Variants in ZSCAN25 observed in about 807,000 individuals in gnomAD.
ZSCAN25 encodes zinc finger and SCAN domain-containing protein 25.
ZSCAN25 carries 27 observed loss-of-function variants against 38.7 expected under a neutral mutation model. The observed-to-expected ratio is 0.70, with a 90% CI of 0.51 to 0.96. The LOEUF (loss-of-function observed/expected upper bound fraction) is 0.96, where lower values mean the gene tolerates loss of function less well. Ranked by LOEUF, ZSCAN25 falls within the 40% of genes least tolerant of loss-of-function variation. The probability of loss-of-function intolerance (pLI) is 0.00; values close to 1 mark genes in which losing one functional copy is unlikely to be tolerated. For missense variants in ZSCAN25, 637 were observed against 705.9 expected, an observed-to-expected ratio of 0.90 and a Z score of 1.11; for synonymous variants, 273 against 277.7, an observed-to-expected ratio of 0.98 and a Z score of 0.17.
chr7:99,658,442 G>A, the ZSCAN25 span, among the ~76,000 whole-genome samples: 16 of 152,062 alleles, frequency 1.1e-4, no homozygotes, highest in African/African-American at 1.9e-4. Flanking sequence ...AGTTTCTGCC[G>A]AGAGATCCAC....
In ZSCAN25 at chr7:99,624,177, C is replaced by G. The variant is rs769477363; in HGVS notation, c.802C>G (p.Pro268Ala). 1.2e-6 allele frequency: 2 copies of G among 1,613,506 alleles called. No individual in the cohort carries two copies. The highest frequency in any genetic ancestry group is 1.1e-5 in the South Asian group (1 of 91,044). The change falls in exon 7 of 8, where the codon CCA (proline) becomes GCA (alanine). Residue 268 changes from proline to alanine, a missense_variant. Physicochemically the swap from Pro to Ala is conservative, Grantham distance 27. Coordinates refer to ENST00000394152, the MANE Select transcript of ZSCAN25 (RefSeq NM_145115.3). ...YVEPQDCRVS[P>A]GGGSKEKEAK... The stretch of plus-strand genomic sequence containing the variant: ...GGAACCGCAGGACTGCAGGGTCTCT[C>G]CAGGTAAGACTGTCTCCACCCACAG...
downstream of ZSCAN25, among the ~76,000 whole-genome samples, chr7:99,633,883 T>C (rs1438674289): frequency 6.6e-6 from 1 of 152,244 alleles, no homozygotes; most frequent in African/African-American, 2.4e-5. Context: ...ACAGCTTCTT[T>C]GCTTTCTGGC....
chr7:99,665,999 A>G, the ZSCAN25 span, among the ~76,000 whole-genome samples: 1 of 152,260 alleles, frequency 6.6e-6, no homozygotes, highest in Non-Finnish European at 1.5e-5. Flanking sequence ...AAGTCTGAAC[A>G]GGACAGGCTC....
At chr7:99,632,789 CA>C (rs1808094130), downstream of ZSCAN25, among the ~76,000 whole-genome samples, 1 of 152,194 alleles carries the variant, frequency 6.6e-6, no homozygotes, top group Non-Finnish European at 1.5e-5. Context: ...GACCCTGTCT[CA>C]AAACAAAACA....
rs2151296933 is a variant in ZSCAN25 at position 99,629,458 on chromosome 7, G to A, written c.1073G>A (p.Ser358Asn). The A allele has an allele frequency of 1.9e-6, 3 of 1,614,224 alleles. No homozygotes were observed. Among genetic ancestry groups the A allele is most frequent in the East Asian group, 4.5e-5 (2 of 44,878 alleles). Residue 358 changes from serine to asparagine, a missense_variant, in exon 8 of 8, where the codon AGT (serine) becomes AAT (asparagine). Coordinates refer to ENST00000394152, the MANE Select transcript of ZSCAN25 (RefSeq NM_145115.3). This position sits in a 1 kb window ranked among gnomAD's most constrained non-coding sequence, Gnocchi z 5.6. ...FQCPECGKGF[S>N]RSSNLVRHQR... The stretch of plus-strand genomic sequence containing the variant: ...TGCCCTGAGTGTGGGAAAGGATTCA[G>A]TCGGAGCTCCAATCTCGTCAGGCAC...
At chr7:99,662,046 GATTA>G in the ZSCAN25 span, among the ~76,000 whole-genome samples, 22 of 152,338 alleles carry the variant, frequency 1.4e-4, 1 homozygote, top group Middle Eastern at 0.01. The surrounding 1 kb of genome is among the most constrained non-coding windows in gnomAD (Gnocchi z 4.3). Context: ...ATAGATAGAT[GATTA>G]ATTGATAAAT....
At chr7:99,679,310 T>C in the ZSCAN25 span, among the ~76,000 whole-genome samples, 1 of 152,062 alleles carries the variant, frequency 6.6e-6, no homozygotes, top group Non-Finnish European at 1.5e-5. Context: ...TGGTGCGTTA[T>C]GTAAATGATA....
the ZSCAN25 span, among the ~76,000 whole-genome samples, chr7:99,716,874 CTT>C: frequency 2.0e-5 from 3 of 152,202 alleles, no homozygotes; most frequent in Admixed American, 6.5e-5. Context: ...ATGCTTAAAA[CTT>C]TGATACAATC....
At chr7:99,675,377 G>A in the ZSCAN25 span, among the ~76,000 whole-genome samples, 2 of 152,126 alleles carry the variant, frequency 1.3e-5, no homozygotes, top group East Asian at 3.9e-4. Context: ...AGAAATTACT[G>A]CTTTTATCGA....
the ZSCAN25 span, among the ~76,000 whole-genome samples, chr7:99,647,308 ACT>A: frequency 2.0e-5 from 3 of 151,964 alleles, no homozygotes; most frequent in African/African-American, 7.3e-5. Flanking sequence ...AGCCACCATG[ACT>A]CTCTTGTCCA....
At chr7:99,648,380 C>T in the ZSCAN25 span, 20 of 1,610,608 alleles carry the variant, frequency 1.2e-5, no homozygotes, top group Middle Eastern at 3.3e-4. Flanking sequence ...GAAGTCCTTG[C>T]GTGTCTAATT....
At chr7:99,708,717 T>A in the ZSCAN25 span, among the ~76,000 whole-genome samples, 1 of 152,168 alleles carries the variant, frequency 6.6e-6, no homozygotes, top group Non-Finnish European at 1.5e-5. Flanking sequence ...GGAAAAAATA[T>A]TCATTTGTGG....
the ZSCAN25 span, among the ~76,000 whole-genome samples, chr7:99,640,330 G>T: frequency 6.6e-6 from 1 of 152,032 alleles, no homozygotes; most frequent in African/African-American, 2.4e-5. Context: ...CTAATTTTTG[G>T]TATTTTTAGT....
chr7:99,626,294 G>A (rs1807464880), intron 7 of ZSCAN25, among the ~76,000 whole-genome samples: 1 of 152,204 alleles, frequency 6.6e-6, no homozygotes, highest in Non-Finnish European at 1.5e-5. Context: ...GGAGGAGGCA[G>A]GAGTGAGTAG....
chr7:99,695,784 G>T, the ZSCAN25 span: 1 of 1,613,746 alleles, frequency 6.2e-7, no homozygotes, highest in Non-Finnish European at 8.5e-7. Flanking sequence ...AAAAGCAGAG[G>T]TGTGGGCCCT....
At chr7:99,682,691 A>G in the ZSCAN25 span, among the ~76,000 whole-genome samples, 1 of 151,546 alleles carries the variant, frequency 6.6e-6, no homozygotes, top group African/African-American at 2.4e-5. Context: ...GAGAGACTGC[A>G]TTGAATCTGT....
intron 6 of ZSCAN25, among the ~76,000 whole-genome samples, chr7:99,623,427 A>C (rs1247895066): frequency 6.6e-6 from 1 of 152,186 alleles, no homozygotes; most frequent in Non-Finnish European, 1.5e-5. Context: ...CAGGGTGCTG[A>C]GCACTAGTAG....
the ZSCAN25 span, among the ~76,000 whole-genome samples, chr7:99,646,043 A>T: frequency 6.6e-6 from 1 of 152,024 alleles, no homozygotes; most frequent in African/African-American, 2.4e-5. Context: ...AGTCAGGTAA[A>T]TGTGTTTCCT....
the ZSCAN25 span, chr7:99,650,306 T>G: frequency 6.3e-6 from 9 of 1,434,988 alleles, no homozygotes; most frequent in Non-Finnish European, 8.7e-6. Context: ...GGGTTCTTAC[T>G]TAAGAACAAC....
Sources: gnomAD v4.1 joint callset for allele counts (sites outside exome capture counted in the v4.1 genomes callset) on GRCh38, gnomAD v4.1.1 for gene constraint, Gnocchi (gnomAD v3.1) non-coding constraint, MANE v1.5 for transcripts, NCBI Gene and HGNC (gene_info 2026-07-23, HGNC 2026-07-21) for gene names.